Variants in WWC1 observed in about 807,000 individuals in gnomAD.
The protein encoded by WWC1 is protein KIBRA.
Under a neutral mutation model 138.4 loss-of-function variants are expected in WWC1, and 55 were observed. The observed-to-expected ratio is 0.40, with a 90% CI of 0.32 to 0.50. The LOEUF is 0.50. Ranked by LOEUF, WWC1 falls within the 20% of genes least tolerant of loss-of-function variation. The pLI, the probability that WWC1 is intolerant of heterozygous loss-of-function variation, is 0.72. For missense variants in WWC1, 1,226 were observed against 1,420.4 expected (o/e 0.86, Z 2.20); for synonymous variants, 524 against 564.9 (o/e 0.93, Z 1.03).
intron 1 of WWC1, among the ~76,000 whole-genome samples, chr5:168,363,889 A>T (rs1442471167): frequency 2.0e-5 from 3 of 152,128 alleles, no homozygotes; most frequent in African/African-American, 7.2e-5. Flanking sequence ...TGTGAGTTTT[A>T]ACCACCACCG....
At chr5:168,315,914 G>A (rs1771546443) in intron 1 of WWC1, among the ~76,000 whole-genome samples, 1 of 152,128 alleles carries the variant, frequency 6.6e-6, no homozygotes, top group Admixed American at 6.5e-5. Flanking sequence ...GGACTGCGGT[G>A]TCCCTGGTGT....
Position 168,441,668 on chromosome 5 carries a change from T to C in WWC1, c.2281-14T>C. Reference sequence around the variant, plus strand: ...CACCGCCACTTATGTTCTCCTTGTTTCCATCCCCAACAGGGAGGCGCCCAG... The same window carrying C: ...CACCGCCACTTATGTTCTCCTTGTTCCCATCCCCAACAGGGAGGCGCCCAG... On this transcript the variant is annotated splice_polypyrimidine_tract_variant and intron_variant, in intron 15 of 22. Transcript: ENST00000265293. 1 of 1,613,004 alleles carries C rather than the reference T, an allele frequency of 6.2e-7. No homozygotes were observed. The highest frequency in any genetic ancestry group is 1.3e-5 in the African/African-American group (1 of 75,010).
intron 17 of WWC1, among the ~76,000 whole-genome samples, chr5:168,447,705 CT>C: frequency 6.6e-6 from 1 of 152,076 alleles, no homozygotes; most frequent in Non-Finnish European, 1.5e-5. Context: ...GGCAAGGTTC[CT>C]GGAATTTTTG....
chr5:168,333,105 G>A (rs1432378796), intron 1 of WWC1, among the ~76,000 whole-genome samples: 12 of 152,192 alleles, frequency 7.9e-5, no homozygotes, highest in African/African-American at 1.7e-4. Context: ...TGGCACCCCC[G>A]GTGCCAGGCA....
At chr5:168,398,098 T>C (rs576413701) in intron 4 of WWC1, among the ~76,000 whole-genome samples, 11 of 151,890 alleles carry the variant, frequency 7.2e-5, no homozygotes, top group Non-Finnish European at 1.3e-4. Flanking sequence ...TTTATTTATT[T>C]ATTTATTTTT....
chr5:168,453,896 G>A, intron 17 of WWC1, 72 bp from the exon 18 acceptor site: 1 of 1,593,346 alleles, frequency 6.3e-7, no homozygotes, highest in African/African-American at 1.4e-5. Flanking sequence ...CCCTACCTTG[G>A]GTGTATTAAA....
chr5:168,423,895 C>G lies in WWC1; in HGVS notation c.1637C>G (p.Pro546Arg). The change falls in exon 11 of 23, where the codon CCC becomes CGC. Residue 546 changes from proline to arginine, a missense_variant. Coordinates refer to ENST00000265293, the MANE Select transcript of WWC1 (RefSeq NM_015238.3). Reference protein sequence around the residue: ...PRSSLSSPSPPCSPLMADPLL... With the variant: ...PRSSLSSPSPRCSPLMADPLL... ...TCCTCTCTCTCCTCCCCCTCCCCACCCTGTTCCCCTCTCATGGCTGACCCC... is the reference window on the plus strand; with the variant it reads ...TCCTCTCTCTCCTCCCCCTCCCCACGCTGTTCCCCTCTCATGGCTGACCCC... 1 of 1,614,138 alleles carries G rather than the reference C, an allele frequency of 6.2e-7. No homozygotes were observed.
chr5:168,452,790 C>A (rs1217733882), intron 17 of WWC1, among the ~76,000 whole-genome samples: 1 of 152,140 alleles, frequency 6.6e-6, no homozygotes, highest in Non-Finnish European at 1.5e-5. Flanking sequence ...TCCTCCTCTT[C>A]TTCCTCATCT....
intron 1 of WWC1, among the ~76,000 whole-genome samples, chr5:168,312,269 TCTAA>T (rs1189674956): frequency 2.6e-5 from 4 of 151,902 alleles, no homozygotes; most frequent in South Asian, 2.1e-4. Flanking sequence ...AAAGCACAGT[TCTAA>T]CTGTTTTATA....
chr5:168,431,191 C>T, intron 14 of WWC1, 61 bp from the exon 15 acceptor site: 1 of 1,477,154 alleles, frequency 6.8e-7, no homozygotes, highest in Non-Finnish European at 9.2e-7. Flanking sequence ...CTGTTTAGTC[C>T]AACATTTTAG....
chr5:168,311,221 T>C (rs890393412), intron 1 of WWC1, among the ~76,000 whole-genome samples: 1 of 152,136 alleles, frequency 6.6e-6, no homozygotes, highest in African/African-American at 2.4e-5. Flanking sequence ...GGGACATCTG[T>C]CATCTGCCTC....
chr5:168,359,033 GGTGTGTGTGT>G (rs58992917), intron 1 of WWC1, among the ~76,000 whole-genome samples: 76,451 of 148,202 alleles, frequency 0.52, 21,276 homozygotes, highest in South Asian at 0.65. Flanking sequence ...GTGGTGGTGG[GGTGTGTGTGT>G]GTGTGTGTGT....
At chr5:168,463,639 A>T (rs1229987047) in intron 20 of WWC1, among the ~76,000 whole-genome samples, 3 of 152,194 alleles carry the variant, frequency 2.0e-5, no homozygotes, top group African/African-American at 7.2e-5. Context: ...TTTTGATGGG[A>T]GGAGAGTTAA....
chr5:168,462,739 A>G (rs1756924591), intron 20 of WWC1, among the ~76,000 whole-genome samples: 2 of 152,222 alleles, frequency 1.3e-5, no homozygotes, highest in African/African-American at 4.8e-5. Flanking sequence ...GTCCTGAGGA[A>G]CAGGAGAATC....
Position 168,415,798 on chromosome 5 carries a change from T to TGTGTGTGTG in WWC1, c.1184+1209_1184+1210insTGTGTGTGG, listed in dbSNP as rs1354077983. On this transcript the variant is annotated intron_variant, in intron 9 of 22. Transcript: ENST00000265293. ...CTAGAGATTTTCAAGTGTGTGTGTG[T>TGTGTGTGTG]GGGGGGGGGGGGGGGGCGTGTGTGT... 2 of 6,354 alleles carry TGTGTGTGTG rather than the reference T, an allele frequency of 3.1e-4. 1 individual carries two copies. The highest frequency in any genetic ancestry group is 8.1e-3 in the East Asian group (2 of 246). The allele number at this position is 6,354 out of a possible 1,614,324, so 0.4% of individuals were successfully genotyped here. A position where few individuals can be genotyped will look rare whatever the true frequency, so the allele number is the denominator to read the frequency against.
rs186047222 is a variant in WWC1 at position 168,460,714 on chromosome 5, T to C, written c.2888T>C (p.Leu963Pro). 26 of 1,614,066 alleles carry C rather than the reference T, an allele frequency of 1.6e-5. No individual in the cohort carries two copies. Among genetic ancestry groups the C allele is most frequent in the African/African-American group, 2.7e-5 (2 of 74,934 alleles). ...SKKPPFVRNS[L>P]ERRSVRMKRP... ...AAGCCACCTTTTGTTCGAAACTCCC[T>C]GGAGCGACGCAGCGTCCGGATGAAG... Residue 963 changes from leucine to proline, a missense_variant, in exon 20 of 23, where the codon CTG becomes CCG. Transcript: ENST00000265293.
intron 1 of WWC1, among the ~76,000 whole-genome samples, chr5:168,298,522 G>A (rs556133848): frequency 2.4e-4 from 37 of 152,196 alleles, no homozygotes; most frequent in African/African-American, 8.2e-4. Context: ...TAAGATCTAC[G>A]TATTCCATGG....
chr5:168,441,603 G>C, intron 15 of WWC1, 79 bp from the exon 16 acceptor site: 8 of 1,517,592 alleles, frequency 5.3e-6, no homozygotes. Flanking sequence ...TTTCCATACT[G>C]TCCTCTTGAA....
intron 1 of WWC1, among the ~76,000 whole-genome samples, chr5:168,308,005 CTGTT>C (rs1770736156): frequency 6.6e-6 from 1 of 152,190 alleles, no homozygotes; most frequent in Admixed American, 6.5e-5. Flanking sequence ...TTGCCTTTGA[CTGTT>C]TGGTGCCTGA....
Sources: gnomAD v4.1 joint callset for allele counts (sites outside exome capture counted in the v4.1 genomes callset) on GRCh38, gnomAD v4.1.1 for gene constraint, MANE v1.5 for transcripts, NCBI Gene and HGNC (gene_info 2026-07-23, HGNC 2026-07-21) for gene names.